Variants in FHOD3 observed in about 807,000 individuals in gnomAD.
FHOD3 encodes the protein FH1/FH2 domain-containing protein 3.
A neutral mutation model predicts 173.0 loss-of-function variants in FHOD3; 90 were observed. The ratio of observed to expected loss-of-function variants is 0.52; its 90% CI spans 0.44 to 0.62. FHOD3 has a LOEUF of 0.62. Among genes scored for constraint, FHOD3 ranks in the 20% least tolerant of loss-of-function variants. The probability of loss-of-function intolerance (pLI) is 0.00; values close to 1 mark genes in which losing one functional copy is unlikely to be tolerated. For synonymous variants in FHOD3, 828 were observed against 823.0 expected (o/e 1.01, Z -0.10); for missense variants, 1,945 against 2,034.7 (o/e 0.96, Z 0.85).
intron 1 of FHOD3, among the ~76,000 whole-genome samples, chr18:36,329,300 G>A (rs1568129288): frequency 6.6e-6 from 1 of 152,050 alleles, no homozygotes; most frequent in Non-Finnish European, 1.5e-5. Flanking sequence ...TCCGCCCAAC[G>A]AACCACTCTT....
At chr18:36,601,872 C>A (rs2031431300) in intron 7 of FHOD3, among the ~76,000 whole-genome samples, 1 of 152,144 alleles carries the variant, frequency 6.6e-6, no homozygotes, top group Non-Finnish European at 1.5e-5. Context: ...CTTAGTGGTC[C>A]TGAATGTGAA....
Position 36,568,823 on chromosome 18 carries a change from C to T in FHOD3, c.512-7628C>T, listed in dbSNP as rs147813494. 6.7e-3 allele frequency among the ~76,000 whole-genome samples: 1,014 copies of T among 152,196 alleles called. 42 individuals are homozygous for T. The highest frequency in any genetic ancestry group is 0.057 in the Admixed American group (870 of 15,284). ...CAGGAGATAAGCCAAAATTACTTGGCGCGCAATGAACTAGGAAAATCCCAA... is the reference window on the plus strand; with the variant it reads ...CAGGAGATAAGCCAAAATTACTTGGTGCGCAATGAACTAGGAAAATCCCAA... On this transcript the variant is annotated intron_variant, in intron 5 of 28. Coordinates refer to ENST00000590592, the MANE Select transcript of FHOD3 (RefSeq NM_001281740.3).
At chr18:36,468,873 A>G (rs1353261734) in intron 3 of FHOD3, among the ~76,000 whole-genome samples, 2 of 152,162 alleles carry the variant, frequency 1.3e-5, no homozygotes, top group East Asian at 3.9e-4. Context: ...TGGTAATCCC[A>G]CCGACAGACA....
chr18:36,695,970 C>T (rs928487574), intron 17 of FHOD3, among the ~76,000 whole-genome samples: 10 of 152,198 alleles, frequency 6.6e-5, no homozygotes, highest in African/African-American at 1.4e-4. Flanking sequence ...TGGTCCTGCA[C>T]CAAACACCTG....
chr18:36,353,606 A>G (rs1365048563), intron 1 of FHOD3, among the ~76,000 whole-genome samples: 1 of 152,378 alleles, frequency 6.6e-6, no homozygotes, highest in East Asian at 1.9e-4. Flanking sequence ...CAGCAAGAAG[A>G]TGAATTGAGT....
chr18:36,327,630 C>T (rs2044739628), intron 1 of FHOD3, among the ~76,000 whole-genome samples: 1 of 151,302 alleles, frequency 6.6e-6, no homozygotes, highest in South Asian at 2.1e-4. Context: ...GTCTTTCCTC[C>T]CCACTGCCAT....
chr18:36,392,057 C>T (rs1299765690), intron 3 of FHOD3, among the ~76,000 whole-genome samples: 4 of 152,296 alleles, frequency 2.6e-5, no homozygotes, highest in South Asian at 2.1e-4. Context: ...CCTGGTGTAG[C>T]GGGGTGGACT....
chr18:36,756,288 G>T (rs999154950), intron 25 of FHOD3, among the ~76,000 whole-genome samples: 8 of 152,044 alleles, frequency 5.3e-5, no homozygotes, highest in African/African-American at 1.9e-4. Flanking sequence ...ATATTGACAG[G>T]TCATATTTGG....
At chr18:36,388,277 G>A (rs1024451736) in intron 3 of FHOD3, among the ~76,000 whole-genome samples, 3 of 152,122 alleles carry the variant, frequency 2.0e-5, no homozygotes, top group Non-Finnish European at 2.9e-5. Flanking sequence ...CAGGAAAAGC[G>A]AAACACCGGG....
intron 14 of FHOD3, among the ~76,000 whole-genome samples, chr18:36,679,763 A>G (rs2038113444): frequency 6.6e-6 from 1 of 152,118 alleles, no homozygotes; most frequent in South Asian, 2.1e-4. Context: ...GTGTGAAACC[A>G]GTTTGTGGCA....
intron 5 of FHOD3, among the ~76,000 whole-genome samples, chr18:36,520,948 G>A (rs954226035): frequency 6.6e-6 from 1 of 152,194 alleles, no homozygotes; most frequent in African/African-American, 2.4e-5. Flanking sequence ...GGCTAGGTGT[G>A]CCTTGAAGCA....
chr18:36,575,955 A>C (rs1035354189), intron 5 of FHOD3, among the ~76,000 whole-genome samples: 7 of 152,238 alleles, frequency 4.6e-5, no homozygotes, highest in Non-Finnish European at 1.0e-4. Context: ...ATATTTAACT[A>C]TGCATTTATT....
intron 10 of FHOD3, among the ~76,000 whole-genome samples, chr18:36,638,122 G>A (rs896340321): frequency 6.6e-6 from 1 of 152,140 alleles, no homozygotes; most frequent in African/African-American, 2.4e-5. Context: ...ATGAATTCCT[G>A]TAAGTAAATA....
intron 9 of FHOD3, among the ~76,000 whole-genome samples, chr18:36,622,528 T>C (rs957489688): frequency 2.0e-5 from 3 of 152,172 alleles, no homozygotes; most frequent in Admixed American, 2.0e-4. Flanking sequence ...AAGTTTTTAG[T>C]TTACAAATAG....
Position 36,709,241 on chromosome 18 carries a change from C to G in FHOD3, c.2383C>G (p.Pro795Ala). ...TEVEQALEQE[P>A]EERASLSEKE... ...AGTGGAGCAGGCACTAGAGCAAGAG[C>G]CGGAAGAAAGAGCCTCCCTCAGTGA... is the stretch of plus-strand genomic sequence containing the variant. Residue 795 changes from proline (P) to alanine (A), a missense_variant, in exon 18 of 29, where the codon CCG becomes GCG. Transcript: ENST00000590592. The G allele has an allele frequency of 6.2e-7, 1 of 1,614,086 alleles. No homozygotes were observed. Among genetic ancestry groups the G allele is most frequent in the Non-Finnish European group, 8.5e-7 (1 of 1,180,014 alleles).
rs33931333 is a variant in FHOD3 at position 36,439,521 on chromosome 18, ATGTGTGTGTGTGTGTGTG to A, written c.338-62381_338-62364del. Among the ~76,000 whole-genome samples, 151 of 144,832 alleles carry A rather than the reference ATGTGTGTGTGTGTGTGTG, an allele frequency of 1.0e-3. 2 individuals are homozygous for A. Among genetic ancestry groups the A allele is most frequent in the African/African-American group, 2.8e-3 (109 of 38,866 alleles). ...TCTCTGGAGAAACAAAACCAATAGA[ATGTGTGTGTGTGTGTGTG>A]TGTGTGTGTGTGTGTGTGTGTGTGT... On this transcript the variant is annotated intron_variant, in intron 3 of 28. Transcript: ENST00000590592.
intron 3 of FHOD3, among the ~76,000 whole-genome samples, chr18:36,413,862 T>C (rs960932167): frequency 6.6e-6 from 1 of 152,216 alleles, no homozygotes; most frequent in Admixed American, 6.5e-5. Flanking sequence ...TTCAAAACTT[T>C]TTCATCTTCC....
At chr18:36,389,331 G>A (rs181325216) in intron 3 of FHOD3, among the ~76,000 whole-genome samples, 2 of 152,146 alleles carry the variant, frequency 1.3e-5, no homozygotes, top group East Asian at 1.9e-4. Context: ...CTCCCACCCC[G>A]CCATTGTGGT....
At chr18:36,454,088 A>T (rs2052022838) in intron 3 of FHOD3, among the ~76,000 whole-genome samples, 1 of 152,152 alleles carries the variant, frequency 6.6e-6, no homozygotes, top group African/African-American at 2.4e-5. Flanking sequence ...TTGCATATGG[A>T]TCATGAGAGC....
Sources: allele counts gnomAD v4.1 joint callset (sites outside exome capture counted in the v4.1 genomes callset), GRCh38; gene constraint gnomAD v4.1.1; transcripts MANE v1.5; gene names NCBI Gene and HGNC (gene_info 2026-07-23, HGNC 2026-07-21).